ATP8A2: variants seen among roughly 807,000 people sequenced by gnomAD.
The protein encoded by ATP8A2 is phospholipid-transporting ATPase IB.
A neutral mutation model predicts 165.6 loss-of-function variants in ATP8A2; 100 were observed. The ratio of observed to expected loss-of-function variants is 0.60; its 90% confidence interval spans 0.51 to 0.71. ATP8A2 has a LOEUF of 0.71. Among genes scored for constraint, ATP8A2 ranks in the 30% least tolerant of loss-of-function variants. ATP8A2 has a pLI of 0.00. For synonymous variants in ATP8A2, 543 were observed against 548.8 expected (o/e 0.99, Z 0.15); for missense variants, 1,227 against 1,479.5 (o/e 0.83, Z 2.80).
At chr13:25,436,533 C>T (rs1233397053) in intron 1 of ATP8A2, among the ~76,000 whole-genome samples, 1 of 152,114 alleles carries the variant, frequency 6.6e-6, no homozygotes, top group Admixed American at 6.5e-5. Flanking sequence ...TAGGTTGATT[C>T]CATGTCTTTG....
intron 1 of ATP8A2, among the ~76,000 whole-genome samples, chr13:25,426,872 G>A (rs938568475): frequency 6.6e-6 from 1 of 152,008 alleles, no homozygotes; most frequent in Non-Finnish European, 1.5e-5. Flanking sequence ...ACTGAATCTG[G>A]GAGGCAGAGG....
intron 35 of ATP8A2, among the ~76,000 whole-genome samples, chr13:25,981,598 A>T (rs977658271): frequency 5.9e-5 from 9 of 152,222 alleles, no homozygotes; most frequent in Middle Eastern, 3.2e-3. Flanking sequence ...CAATATATTA[A>T]GATTTTATAT....
rs748810313 is a variant in ATP8A2, at chr13:25,532,243, T to G, written c.421-29T>G. On this transcript the variant is annotated intron_variant, in intron 4 of 36. Transcript: ENST00000381655. ...ATTATTCATGTGGAACTTTTGAATG[T>G]TAAACTATTTTTTTTCTTTCTGTAA... is the stretch of plus-strand genomic sequence containing the variant. 6.9e-6 allele frequency: 11 copies of G among 1,588,942 alleles called. No homozygotes were observed. The Admixed American group carries it at 1.6e-4, about 22-fold the overall frequency.
At chr13:25,896,387 G>A (rs932182332) in intron 33 of ATP8A2, among the ~76,000 whole-genome samples, 1 of 152,164 alleles carries the variant, frequency 6.6e-6, no homozygotes, top group Non-Finnish European at 1.5e-5. Flanking sequence ...ATTGCACTGT[G>A]GTGTGAGAGA....
rs151169796 is a variant in ATP8A2, at chr13:25,858,957, C to G, written c.2957-1238C>G. ...CGGTGGCTCACGCCTGTAATCCCAG[C>G]ACTTTGGGAGCCTGAGGCGGGTGGA... On this transcript the variant is annotated intron_variant, in intron 30 of 36. Transcript: ENST00000381655. Among the ~76,000 whole-genome samples the G allele has an allele frequency of 5.8e-3, 878 of 152,194 alleles. 14 individuals carry two copies. The highest frequency in any genetic ancestry group is 0.021 in the African/African-American group (853 of 41,516).
intron 24 of ATP8A2, among the ~76,000 whole-genome samples, chr13:25,687,643 T>C (rs895284422): frequency 3.3e-5 from 5 of 152,098 alleles, no homozygotes; most frequent in African/African-American, 1.2e-4. Flanking sequence ...AGTTCCTTAC[T>C]TGTTGCTTTC....
intron 1 of ATP8A2, among the ~76,000 whole-genome samples, chr13:25,449,154 T>C (rs1297181955): frequency 6.6e-6 from 1 of 152,226 alleles, no homozygotes; most frequent in African/African-American, 2.4e-5. Context: ...TCTCTCTTTT[T>C]GCTCTCCTTT....
At chr13:25,561,342 G>A (rs1341448416) in intron 15 of ATP8A2, among the ~76,000 whole-genome samples, 1 of 151,974 alleles carries the variant, frequency 6.6e-6, no homozygotes, top group Non-Finnish European at 1.5e-5. Flanking sequence ...CTCCAGTTTT[G>A]TTATCGTTCT....
Position 25,968,615 on chromosome 13 carries a change from C to G in ATP8A2, c.3313C>G (p.Gln1105Glu), listed in dbSNP as rs1273142534. The G allele has an allele frequency of 3.1e-6, 5 of 1,613,756 alleles. No individual in the cohort carries two copies. The highest frequency in any genetic ancestry group is 3.4e-6 in the Non-Finnish European group (4 of 1,180,000). Residue 1105 changes from glutamine to glutamate, a missense_variant, in exon 35 of 37, where the codon CAG (glutamine) becomes GAG (glutamate). Transcript: ENST00000381655. ...TCKKTLLEEV[Q>E]ELETKSRVLG... The stretch of plus-strand genomic sequence containing the variant: ...CAAAAAGACATTGCTGGAGGAGGTG[C>G]AGGAGCTGGAAACCAAGTCTCGAGT...
chr13:25,919,163 C>T lies in ATP8A2; in HGVS notation c.3184-42412C>T, dbSNP rs371492451. 5.3e-4 allele frequency among the ~76,000 whole-genome samples: 81 copies of T among 152,166 alleles called. 1 individual carries two copies. The South Asian group carries it at 0.017, about 31-fold the overall frequency. ...ACCCATCCTTTAATATGTTCTTTTCCAAAAGTATACATTGTCCTTTTTACT... is the reference window on the plus strand; with the variant it reads ...ACCCATCCTTTAATATGTTCTTTTCTAAAAGTATACATTGTCCTTTTTACT... On this transcript the variant is annotated intron_variant, in intron 33 of 36. Coordinates refer to ENST00000381655, the MANE Select transcript of ATP8A2 (RefSeq NM_016529.6).
At position 25,664,540 on chromosome 13, in the gene ATP8A2, G is replaced by A. The variant is rs12184893; in HGVS notation, c.2212-34633G>A. ...AGAGACAAGCTGTACCAGTAAGAAC[G>A]CCCTAAGAAACTGTTCAAGCCAGAG... On this transcript the variant is annotated intron_variant, in intron 24 of 36. Coordinates refer to ENST00000381655, the MANE Select transcript of ATP8A2 (RefSeq NM_016529.6). Among the ~76,000 whole-genome samples, 1,108 of 152,212 alleles carry A rather than the reference G, an allele frequency of 7.3e-3. 13 individuals are homozygous for A. Among genetic ancestry groups the A allele is most frequent in the African/African-American group, 0.025 (1,034 of 41,530 alleles).
At chr13:25,580,523 A>G (rs549161467) in intron 22 of ATP8A2, among the ~76,000 whole-genome samples, 5 of 151,922 alleles carry the variant, frequency 3.3e-5, no homozygotes, top group South Asian at 4.2e-4. Context: ...TCCAGTTTCT[A>G]TAACTTTTTT....
chr13:25,835,574 G>T (rs753254146), intron 28 of ATP8A2, among the ~76,000 whole-genome samples: 1 of 152,042 alleles, frequency 6.6e-6, no homozygotes, highest in African/African-American at 2.4e-5. Flanking sequence ...TTTGAGGGAC[G>T]CTCAGCAGCA....
intron 28 of ATP8A2, among the ~76,000 whole-genome samples, chr13:25,836,447 T>C (rs1448701025): frequency 6.6e-6 from 1 of 152,190 alleles, no homozygotes; most frequent in East Asian, 1.9e-4. Flanking sequence ...CCAAATCATG[T>C]TGGTCTAATA....
chr13:25,699,990 C>T (rs946304861), intron 25 of ATP8A2, among the ~76,000 whole-genome samples: 2 of 152,090 alleles, frequency 1.3e-5, no homozygotes, highest in Non-Finnish European at 2.9e-5. Flanking sequence ...CACCAAAGGT[C>T]ACAGAGAGCT....
At chr13:25,957,443 T>G (rs1407621137) in intron 33 of ATP8A2, among the ~76,000 whole-genome samples, 1 of 152,166 alleles carries the variant, frequency 6.6e-6, no homozygotes, top group African/African-American at 2.4e-5. Context: ...CATCAAAAAG[T>G]GGCTGAAGGA....
At chr13:25,623,544 C>A (rs2041026543) in intron 24 of ATP8A2, among the ~76,000 whole-genome samples, 1 of 151,826 alleles carries the variant, frequency 6.6e-6, no homozygotes, top group South Asian at 2.1e-4. Flanking sequence ...ATAGAAAAAT[C>A]TTGTAAATTC....
chr13:25,692,607 C>G (rs536002732), intron 24 of ATP8A2, among the ~76,000 whole-genome samples: 1 of 152,294 alleles, frequency 6.6e-6, no homozygotes, highest in African/African-American at 2.4e-5. Context: ...ATCCTGGGTA[C>G]TCCTAGGTTG....
intron 30 of ATP8A2, among the ~76,000 whole-genome samples, chr13:25,858,299 C>G (rs1445218428): frequency 6.6e-6 from 1 of 152,038 alleles, no homozygotes; most frequent in African/African-American, 2.4e-5. Context: ...TTAACTTGCT[C>G]CCTTCCTTCC....
Sources: allele counts gnomAD v4.1 joint callset (sites outside exome capture counted in the v4.1 genomes callset), GRCh38; gene constraint gnomAD v4.1.1; transcripts MANE v1.5; gene names NCBI Gene and HGNC (gene_info 2026-07-23, HGNC 2026-07-21).